GABRA2: variants seen among roughly 807,000 people sequenced by gnomAD.
The protein encoded by GABRA2 is gamma-aminobutyric acid type A receptor subunit alpha2.
In GABRA2, 16 loss-of-function variants were observed where a neutral mutation model predicts 48.7. The ratio of observed to expected loss-of-function variants is 0.33; its 90% CI spans 0.22 to 0.50. The LOEUF is 0.50. Among genes scored for constraint, GABRA2 ranks in the 20% least tolerant of loss-of-function variants. GABRA2 has a pLI of 0.98. For missense variants in GABRA2, 275 were observed against 535.6 expected (o/e 0.51, Z 4.80); for synonymous variants, 185 against 184.5 (o/e 1.00, Z -0.02).
intron 8 of GABRA2, among the ~76,000 whole-genome samples, chr4:46,287,856 A>C (rs2109510440): frequency 6.6e-6 from 1 of 152,276 alleles, no homozygotes; most frequent in South Asian, 2.1e-4. Flanking sequence ...ATAAAGATAT[A>C]CCTGAGACTG....
Position 46,250,202 on chromosome 4 carries a change from C to T in GABRA2, c.*106G>A, listed in dbSNP as rs201933764. 2.2e-6 allele frequency: 2 copies of T among 914,794 alleles called. No individual in the cohort carries two copies. The highest frequency in any genetic ancestry group is 3.3e-5 in the African/African-American group (2 of 59,788). The allele number at this position is 914,794 out of a possible 1,614,324, so 56.7% of individuals were successfully genotyped here. ...GGTAAGCTATGTCACTATATACATA[C>T]TGTACATGTTGGATCACAAATTAGC... On this transcript the variant is annotated 3_prime_UTR_variant, in exon 10 of 10. Transcript: ENST00000381620.
intron 3 of GABRA2, among the ~76,000 whole-genome samples, chr4:46,382,021 A>G (rs1380471599): frequency 6.6e-6 from 1 of 152,162 alleles, no homozygotes; most frequent in Admixed American, 6.5e-5. Context: ...AGTGCTTACT[A>G]TGTGCCAGGC....
rs886332897 is a variant in GABRA2 at position 46,244,232 on chromosome 4, G to A, written c.*6076C>T. 1 of 151,518 alleles carries A rather than the reference G, an allele frequency of 6.6e-6. No individual in the cohort carries two copies. Among genetic ancestry groups the A allele is most frequent in the Non-Finnish European group, 1.5e-5 (1 of 67,686 alleles). The allele number at this position is 151,518 out of a possible 1,614,324, so 9.4% of individuals were successfully genotyped here. On this transcript the variant is annotated 3_prime_UTR_variant, in exon 10 of 10. Coordinates refer to ENST00000381620, the MANE Select transcript of GABRA2 (RefSeq NM_000807.4). ...TGATCAGTTTAAAGCACAATCAATT[G>A]CTTCAACGACTATGTCGAATATGTT...
chr4:46,376,224 T>G (rs1292065340), intron 3 of GABRA2, among the ~76,000 whole-genome samples: 1 of 152,256 alleles, frequency 6.6e-6, no homozygotes, highest in Non-Finnish European at 1.5e-5. Flanking sequence ...TGAAAAGTAA[T>G]GAATAGTTTA....
intron 6 of GABRA2, 23 bp downstream of exon 6, chr4:46,310,150 T>C (rs1344132866): frequency 1.3e-6 from 2 of 1,588,534 alleles, no homozygotes; most frequent in Non-Finnish European, 1.7e-6. Flanking sequence ...ACCCAAAACA[T>C]GTAACTTCAT....
chr4:46,250,320 C>A lies in GABRA2; in HGVS notation c.1344G>T (p.Gly448=), dbSNP rs774035855. 1.9e-6 allele frequency: 3 copies of A among 1,610,004 alleles called. No individual in the cohort carries two copies. Among genetic ancestry groups the A allele is most frequent in the South Asian group, 2.2e-5 (2 of 90,898 alleles). ...ATYLNREPVL[G]VSP is the part of the protein sequence containing the mutation. Reference sequence around the variant, plus strand: ...CATGGGTCTCAATTCAAGGACTGACCCCTAATACAGGTTCTCTGTTTAAAT... The same window carrying A: ...CATGGGTCTCAATTCAAGGACTGACACCTAATACAGGTTCTCTGTTTAAAT... Residue 448 remains glycine (G), a synonymous_variant, in exon 10 of 10, where the codon GGG becomes GGT. Coordinates refer to ENST00000381620, the MANE Select transcript of GABRA2 (RefSeq NM_000807.4).
chr4:46,257,521 A>G (rs1372292874), intron 9 of GABRA2, among the ~76,000 whole-genome samples: 1 of 151,688 alleles, frequency 6.6e-6, no homozygotes, highest in Non-Finnish European at 1.5e-5. Context: ...TCTCATTTCT[A>G]AAATAGAAAT....
intron 8 of GABRA2, among the ~76,000 whole-genome samples, chr4:46,283,105 A>T (rs1259356514): frequency 6.6e-6 from 1 of 152,184 alleles, no homozygotes. Flanking sequence ...CTAGCTATCA[A>T]TCTGATAGAT....
chr4:46,272,300 G>C (rs1486042909), intron 8 of GABRA2, among the ~76,000 whole-genome samples: 1 of 151,948 alleles, frequency 6.6e-6, no homozygotes, highest in Non-Finnish European at 1.5e-5. Flanking sequence ...GTAAGAATGT[G>C]CTTAGTTGAG....
At chr4:46,282,785 A>T (rs2109474001) in intron 8 of GABRA2, among the ~76,000 whole-genome samples, 1 of 152,370 alleles carries the variant, frequency 6.6e-6, no homozygotes, top group East Asian at 1.9e-4. Flanking sequence ...TAATAATAGC[A>T]AATACTTGCA....
intron 3 of GABRA2, among the ~76,000 whole-genome samples, chr4:46,342,787 C>A (rs951483276): frequency 1.3e-5 from 2 of 152,082 alleles, no homozygotes; most frequent in Non-Finnish European, 2.9e-5. Context: ...TCCTGGTTAG[C>A]TGGTACTACA....
intron 8 of GABRA2, among the ~76,000 whole-genome samples, chr4:46,289,821 G>C (rs937981254): frequency 6.6e-6 from 1 of 151,964 alleles, no homozygotes; most frequent in Non-Finnish European, 1.5e-5. Flanking sequence ...AGGCTGCTTT[G>C]ATTACTGTAG....
intron 3 of GABRA2, among the ~76,000 whole-genome samples, chr4:46,354,519 C>A (rs1288394643): frequency 6.6e-6 from 1 of 152,156 alleles, no homozygotes; most frequent in African/African-American, 2.4e-5. Context: ...ATTGGTTATC[C>A]TTTTCATTCA....
At chr4:46,331,714 T>A (rs1249092013) in intron 4 of GABRA2, among the ~76,000 whole-genome samples, 2 of 152,102 alleles carry the variant, frequency 1.3e-5, no homozygotes, top group Non-Finnish European at 2.9e-5. Flanking sequence ...CTCACTTATC[T>A]ATCTCATTTT....
At chr4:46,281,355 A>G (rs1721496569) in intron 8 of GABRA2, among the ~76,000 whole-genome samples, 1 of 152,152 alleles carries the variant, frequency 6.6e-6, no homozygotes, top group Non-Finnish European at 1.5e-5. Flanking sequence ...TAAATAAAGT[A>G]GAGAGTATAG....
chr4:46,378,893 GC>G (rs1268781205), intron 3 of GABRA2, among the ~76,000 whole-genome samples: 2 of 151,558 alleles, frequency 1.3e-5, no homozygotes, highest in East Asian at 3.9e-4. Context: ...CTTGAATTTT[GC>G]CTGACACTTG....
chr4:46,256,586 T>C (rs1485496782), intron 9 of GABRA2, among the ~76,000 whole-genome samples: 1 of 151,580 alleles, frequency 6.6e-6, no homozygotes, highest in Non-Finnish European at 1.5e-5. Flanking sequence ...GTTACTTTGG[T>C]CACCAAGAAA....
chr4:46,270,180 T>C (rs2109395919), intron 8 of GABRA2, among the ~76,000 whole-genome samples: 1 of 152,142 alleles, frequency 6.6e-6, no homozygotes, highest in South Asian at 2.1e-4. Context: ...CTTCCCCATA[T>C]CTAAATTATA....
chr4:46,320,029 C>T (rs1203351744), intron 4 of GABRA2, among the ~76,000 whole-genome samples: 1 of 151,730 alleles, frequency 6.6e-6, no homozygotes, highest in Non-Finnish European at 1.5e-5. Flanking sequence ...ATACCATGGT[C>T]TTTTCATTAT....
Sources: allele counts gnomAD v4.1 joint callset (sites outside exome capture counted in the v4.1 genomes callset), GRCh38; gene constraint gnomAD v4.1.1; transcripts MANE v1.5; gene names NCBI Gene and HGNC (gene_info 2026-07-23, HGNC 2026-07-21).